Variants in RNGTT observed in about 807,000 individuals in gnomAD.
RNGTT encodes RNA guanylyltransferase and 5'-phosphatase.
RNGTT carries 33 observed loss-of-function variants against 79.3 expected under a neutral mutation model. That is an observed-to-expected ratio of 0.42 (90% CI 0.32 to 0.56). The LOEUF is 0.56. Ranked by LOEUF, RNGTT falls within the 20% of genes least tolerant of loss-of-function variation. The pLI is 0.17. For synonymous variants in RNGTT, 222 were observed against 235.9 expected, an observed-to-expected ratio of 0.94 and a Z score of 0.54; for missense variants, 497 against 739.1, an observed-to-expected ratio of 0.67 and a Z score of 3.80.
chr6:88,637,056 G>A (rs1275386617), intron 14 of RNGTT, among the ~76,000 whole-genome samples: 1 of 152,124 alleles, frequency 6.6e-6, no homozygotes, highest in Non-Finnish European at 1.5e-5. Flanking sequence ...GAATCTGCCA[G>A]ATGGTGGCTG....
At chr6:88,645,500 C>A (rs1373349205) in intron 14 of RNGTT, among the ~76,000 whole-genome samples, 1 of 152,184 alleles carries the variant, frequency 6.6e-6, no homozygotes, top group Non-Finnish European at 1.5e-5. Flanking sequence ...TTGGAAAAAA[C>A]TACTTTAAAG....
intron 12 of RNGTT, among the ~76,000 whole-genome samples, chr6:88,795,608 A>T (rs1439166865): frequency 6.6e-6 from 1 of 152,108 alleles, no homozygotes; most frequent in Non-Finnish European, 1.5e-5. Flanking sequence ...GAGTGCAGGA[A>T]ACCACCATGG....
intron 4 of RNGTT, 139 bp downstream of exon 4, chr6:88,928,846 A>C: frequency 1.7e-6 from 1 of 591,556 alleles, no homozygotes; most frequent in Admixed American, 3.3e-5. Context: ...TCACAAGTCA[A>C]TCTCTCATTT....
intron 11 of RNGTT, among the ~76,000 whole-genome samples, chr6:88,836,749 A>T (rs573452886): frequency 9.2e-5 from 14 of 152,302 alleles, no homozygotes; most frequent in African/African-American, 3.4e-4. Flanking sequence ...CTAAAATAAA[A>T]TAAAAACAGA....
intron 13 of RNGTT, among the ~76,000 whole-genome samples, chr6:88,721,913 T>C (rs1776722123): frequency 6.6e-6 from 1 of 152,088 alleles, no homozygotes; most frequent in African/African-American, 2.4e-5. Context: ...TTATCATTTC[T>C]ACAATGCTAC....
chr6:88,948,414 C>A, intron 1 of RNGTT, among the ~76,000 whole-genome samples: 1 of 135,384 alleles, frequency 7.4e-6, no homozygotes, highest in Non-Finnish European at 1.6e-5. Flanking sequence ...GTGAGGGGCG[C>A]CTCTGCCCGG....
chr6:88,764,294 A>C (rs1236943160), intron 13 of RNGTT, among the ~76,000 whole-genome samples: 1 of 152,212 alleles, frequency 6.6e-6, no homozygotes, highest in Non-Finnish European at 1.5e-5. Context: ...GTTTTTAATT[A>C]AATCCAAACT....
intron 14 of RNGTT, among the ~76,000 whole-genome samples, chr6:88,624,195 T>A (rs1462693096): frequency 6.6e-6 from 1 of 151,894 alleles, no homozygotes; most frequent in Non-Finnish European, 1.5e-5. Flanking sequence ...AGATTTAACA[T>A]AATCACAAGC....
At chr6:88,928,456 TG>T (rs1323683864) in intron 4 of RNGTT, among the ~76,000 whole-genome samples, 1 of 152,194 alleles carries the variant, frequency 6.6e-6, no homozygotes, top group Non-Finnish European at 1.5e-5. Flanking sequence ...AAGAGCAGGA[TG>T]TTTTTTTCTA....
At chr6:88,913,558 G>A (rs1783904914) in intron 4 of RNGTT, among the ~76,000 whole-genome samples, 1 of 152,126 alleles carries the variant, frequency 6.6e-6, no homozygotes, top group South Asian at 2.1e-4. Flanking sequence ...TTCAACATAC[G>A]AAAATCAGTA....
intron 13 of RNGTT, among the ~76,000 whole-genome samples, chr6:88,767,929 T>C (rs1582436351): frequency 6.6e-6 from 1 of 152,178 alleles, no homozygotes; most frequent in East Asian, 1.9e-4. Flanking sequence ...ATCCAATGTT[T>C]AGATAAGAGA....
chr6:88,615,676 C>T (rs1282775801), intron 14 of RNGTT, among the ~76,000 whole-genome samples: 1 of 152,172 alleles, frequency 6.6e-6, no homozygotes, highest in African/African-American at 2.4e-5. Flanking sequence ...TGCTATACCA[C>T]ATGTAAGGTC....
chr6:88,844,486 A>G lies in RNGTT; in HGVS notation c.1140T>C (p.Arg380=). 1 of 1,611,770 alleles carries G rather than the reference A, an allele frequency of 6.2e-7. No individual in the cohort carries two copies. Among genetic ancestry groups the G allele is most frequent in the Non-Finnish European group, 8.5e-7 (1 of 1,179,454 alleles). Residue 380 remains arginine, a synonymous_variant, in exon 11 of 16, where the codon CGT becomes CGC. Coordinates refer to ENST00000369485, the MANE Select transcript of RNGTT (RefSeq NM_003800.5). Reference sequence around the variant, plus strand: ...TAATTTCTCGTTCTATACACTGCAGACGAACATTAAAATCACAATCTCCAA... The same window carrying G: ...TAATTTCTCGTTCTATACACTGCAGGCGAACATTAAAATCACAATCTCCAA... The part of the protein sequence containing the change: ...QPVGDCDFNV[R]LQCIEREIIS...
chr6:88,825,551 C>G (rs1009685769), intron 11 of RNGTT, among the ~76,000 whole-genome samples: 20 of 152,118 alleles, frequency 1.3e-4, no homozygotes, highest in African/African-American at 4.6e-4. Flanking sequence ...TAAATACAGC[C>G]TATTTTCCAA....
chr6:88,868,594 G>A (rs972552031), intron 8 of RNGTT, among the ~76,000 whole-genome samples: 1 of 152,134 alleles, frequency 6.6e-6, no homozygotes, highest in Non-Finnish European at 1.5e-5. Context: ...CATTATTAGA[G>A]TCTATGTCAT....
At chr6:88,723,914 G>A (rs1041722152) in intron 13 of RNGTT, among the ~76,000 whole-genome samples, 8 of 151,882 alleles carry the variant, frequency 5.3e-5, no homozygotes, top group Admixed American at 1.3e-4. Context: ...TAGTAGAGAC[G>A]GGATTTCACC....
intron 4 of RNGTT, among the ~76,000 whole-genome samples, chr6:88,927,265 G>A (rs147536731): frequency 5.4e-4 from 82 of 152,290 alleles, no homozygotes; most frequent in Middle Eastern, 3.4e-3. Context: ...GTTCACGCCT[G>A]TAATCCCAGC....
intron 13 of RNGTT, among the ~76,000 whole-genome samples, chr6:88,739,351 A>C (rs1305716816): frequency 1.3e-5 from 2 of 152,078 alleles, no homozygotes; most frequent in African/African-American, 2.4e-5. Flanking sequence ...TGTTTTTTTG[A>C]GGCAAGCAAG....
chr6:88,853,818 G>A (rs1781754163), intron 8 of RNGTT, 54 bp from the exon 9 acceptor site: 1 of 1,123,086 alleles, frequency 8.9e-7, no homozygotes, highest in Non-Finnish European at 1.3e-6. Flanking sequence ...CAAGAACAGG[G>A]TCATGAGAAA....
Sources: gnomAD v4.1 joint callset for allele counts (sites outside exome capture counted in the v4.1 genomes callset) on GRCh38, gnomAD v4.1.1 for gene constraint, MANE v1.5 for transcripts, NCBI Gene and HGNC (gene_info 2026-07-23, HGNC 2026-07-21) for gene names.